Variants in SESTD1 observed in about 807,000 individuals in gnomAD.
The protein encoded by SESTD1 is SEC14 and spectrin domain containing 1, also known as SEC14 domain and spectrin repeat-containing protein 1.
Under a neutral mutation model 101.7 loss-of-function variants are expected in SESTD1, and 43 were observed. That is an observed-to-expected ratio of 0.42 (90% CI 0.33 to 0.55). The LOEUF is 0.55. Among genes scored for constraint, SESTD1 ranks in the 20% least tolerant of loss-of-function variants. The pLI is 0.07. For synonymous variants in SESTD1, 283 were observed against 286.8 expected (o/e 0.99, Z 0.13); for missense variants, 647 against 815.1 (o/e 0.79, Z 2.51).
rs1280309684 is a variant in SESTD1 at position 179,258,008 on chromosome 2, T to C, written c.-26+6491A>G. ...CTTACCAAAGCCCAATGTGGCAAAA[T>C]TGATTTTACAAAGACAAGACACAAG... On this transcript the variant is annotated intron_variant, in intron 1 of 17. Coordinates refer to ENST00000428443, the MANE Select transcript of SESTD1 (RefSeq NM_178123.5). Among the ~76,000 whole-genome samples the C allele has an allele frequency of 2.6e-5, 4 of 152,216 alleles. No individual in the cohort carries two copies. The East Asian group carries it at 5.8e-4, about 22-fold the overall frequency.
chr2:179,135,845 A>G (rs934614865), intron 9 of SESTD1, among the ~76,000 whole-genome samples: 8 of 152,204 alleles, frequency 5.3e-5, no homozygotes, highest in African/African-American at 1.7e-4. Flanking sequence ...CCTAAGTGCT[A>G]TAACTTTCTA....
chr2:179,227,289 CCTCACTTT>C (rs2046901804), intron 1 of SESTD1, among the ~76,000 whole-genome samples: 1 of 152,144 alleles, frequency 6.6e-6, no homozygotes, highest in Non-Finnish European at 1.5e-5. Context: ...TTACCCCCCA[CCTCACTTT>C]CTCACTTTAG....
chr2:179,232,676 C>A (rs1249848921), intron 1 of SESTD1, among the ~76,000 whole-genome samples: 5 of 152,012 alleles, frequency 3.3e-5, no homozygotes, highest in African/African-American at 1.2e-4. Flanking sequence ...GAGTACTATG[C>A]AGCTCTAAAA....
At chr2:179,136,659 A>T (rs1277866460) in intron 9 of SESTD1, among the ~76,000 whole-genome samples, 1 of 152,172 alleles carries the variant, frequency 6.6e-6, no homozygotes. Context: ...GCATATAAAA[A>T]ATTTCACTAA....
chr2:179,238,103 T>A (rs1329424773), intron 1 of SESTD1, among the ~76,000 whole-genome samples: 2 of 152,146 alleles, frequency 1.3e-5, no homozygotes, highest in African/African-American at 4.8e-5. Flanking sequence ...TAAAATCTTA[T>A]TAAGAAAATC....
At chr2:179,121,710 C>T in intron 13 of SESTD1, 60 bp downstream of exon 13, 1 of 1,403,634 alleles carries the variant, frequency 7.1e-7, no homozygotes, top group Non-Finnish European at 9.5e-7. Flanking sequence ...TGTTATATAA[C>T]TTCATTTTAA....
intron 1 of SESTD1, among the ~76,000 whole-genome samples, chr2:179,261,951 A>G (rs1205852798): frequency 6.6e-6 from 1 of 152,230 alleles, no homozygotes; most frequent in Non-Finnish European, 1.5e-5. Flanking sequence ...ATTATGGCCA[A>G]AAAGTAGAAA....
At position 179,109,329 on chromosome 2, in the gene SESTD1, A is replaced by T. The variant is rs1382357364; in HGVS notation, c.*570T>A. ...AAGATGTTTAAAGAAGTCTTTTATTAAGCACAAACAACTTTTAATACATTA... is the reference window on the plus strand; with the variant it reads ...AAGATGTTTAAAGAAGTCTTTTATTTAGCACAAACAACTTTTAATACATTA... On this transcript the variant is annotated 3_prime_UTR_variant, in exon 18 of 18. Coordinates refer to ENST00000428443, the MANE Select transcript of SESTD1 (RefSeq NM_178123.5). 1 of 167,388 alleles carries T rather than the reference A, an allele frequency of 6.0e-6. No homozygotes were observed. The highest frequency in any genetic ancestry group is 1.3e-5 in the Non-Finnish European group (1 of 78,118). The allele number at this position is 167,388 out of a possible 1,614,324, so 10.4% of individuals were successfully genotyped here. A position where few individuals can be genotyped will look rare whatever the true frequency, so the allele number is the denominator to read the frequency against.
At position 179,108,916 on chromosome 2, in the gene SESTD1, C is replaced by T. The variant is rs1041052072; in HGVS notation, c.*983G>A. On this transcript the variant is annotated 3_prime_UTR_variant, in exon 18 of 18. Transcript: ENST00000428443. The stretch of plus-strand genomic sequence containing the variant: ...AGAAACTAAATTTTATTAACAATTG[C>T]TATTTTAGTTCCTGAAAGATTACTC... The T allele has an allele frequency of 2.6e-5, 4 of 151,900 alleles. No homozygotes were observed. The highest frequency in any genetic ancestry group is 9.7e-5 in the African/African-American group (4 of 41,386). The allele number at this position is 151,900 out of a possible 1,614,324, so 9.4% of individuals were successfully genotyped here.
chr2:179,233,604 C>G (rs914579258), intron 1 of SESTD1, among the ~76,000 whole-genome samples: 1 of 152,120 alleles, frequency 6.6e-6, no homozygotes, highest in African/African-American at 2.4e-5. Context: ...GAGGCGCATA[C>G]CACAGTGCCC....
chr2:179,132,469 A>T lies in SESTD1; in HGVS notation c.850-43T>A, dbSNP rs749307498. On this transcript the variant is annotated intron_variant, in intron 9 of 17. Coordinates refer to ENST00000428443, the MANE Select transcript of SESTD1 (RefSeq NM_178123.5). Reference sequence around the variant, plus strand: ...GATAACATTTTTTAAAGAATCAGAAACTTTTCAAACTTTCATTCTAACTTA... The same window carrying T: ...GATAACATTTTTTAAAGAATCAGAATCTTTTCAAACTTTCATTCTAACTTA... 3.3e-6 allele frequency: 5 copies of T among 1,530,788 alleles called. No homozygotes were observed. In the African/African-American group the frequency reaches 7.3e-5, roughly 22 times the overall value. The allele number at this position is 1,530,788 out of a possible 1,614,324, so 94.8% of individuals were successfully genotyped here.
chr2:179,204,208 G>A (rs1429025701), intron 1 of SESTD1, among the ~76,000 whole-genome samples: 1 of 134,800 alleles, frequency 7.4e-6, no homozygotes, highest in Non-Finnish European at 1.6e-5. Flanking sequence ...CAGACCAAGA[G>A]AGACACTAAA....
At chr2:179,233,860 C>A (rs762504073) in intron 1 of SESTD1, among the ~76,000 whole-genome samples, 1 of 151,948 alleles carries the variant, frequency 6.6e-6, no homozygotes, top group Admixed American at 6.6e-5. Context: ...GTATGCATGC[C>A]CTGGTGTGTG....
rs182157708 is a variant in SESTD1 at position 179,208,550 on chromosome 2, G to A, written c.-25-16684C>T. ...TCAGCAGAAACCCTGCAAGCCAGAA[G>A]GGATTGGGGTCCTATCTTTAGCCTC... is the stretch of plus-strand genomic sequence containing the variant. On this transcript the variant is annotated intron_variant, in intron 1 of 17. Transcript: ENST00000428443. 1.1e-3 allele frequency among the ~76,000 whole-genome samples: 142 copies of A among 135,122 alleles called. 39 individuals carry two copies. The highest frequency in any genetic ancestry group is 3.8e-3 in the African/African-American group (131 of 34,342). 88.6% of individuals were successfully genotyped at this position (135,122 alleles called of 152,430 possible). A position where few individuals can be genotyped will look rare whatever the true frequency, so the allele number is the denominator to read the frequency against.
At chr2:179,114,159 A>G (rs1017459690) in intron 16 of SESTD1, among the ~76,000 whole-genome samples, 5 of 152,202 alleles carry the variant, frequency 3.3e-5, no homozygotes, top group Admixed American at 2.6e-4. Flanking sequence ...ACTATTTTGT[A>G]TACTTCCACT....
At chr2:179,239,562 A>G (rs1278410645) in intron 1 of SESTD1, among the ~76,000 whole-genome samples, 1 of 152,194 alleles carries the variant, frequency 6.6e-6, no homozygotes, top group Non-Finnish European at 1.5e-5. Context: ...TAAAAAATAT[A>G]AATGTGAGAG....
In SESTD1 at chr2:179,104,453, T is replaced by A. The variant is rs1044706845; in HGVS notation, c.*5446A>T. 1 of 152,218 alleles carries A rather than the reference T, an allele frequency of 6.6e-6. No individual in the cohort carries two copies. The highest frequency in any genetic ancestry group is 2.4e-5 in the African/African-American group (1 of 41,546). 9.4% of individuals were successfully genotyped at this position (152,218 alleles called of 1,614,324 possible). ...ACTAAAAAAGAATCTGTAACTGTAA[T>A]AGAAAAGAAGTGAGGCTTGGTCATA... On this transcript the variant is annotated 3_prime_UTR_variant, in exon 18 of 18. Transcript: ENST00000428443.
intron 1 of SESTD1, among the ~76,000 whole-genome samples, chr2:179,201,835 A>G (rs1190058868): frequency 7.7e-6 from 1 of 130,068 alleles, no homozygotes; most frequent in African/African-American, 3.1e-5. Flanking sequence ...ATGATGAGTT[A>G]GTGGGTGCAG....
At chr2:179,182,306 T>C (rs2046128080) in intron 3 of SESTD1, among the ~76,000 whole-genome samples, 3 of 152,052 alleles carry the variant, frequency 2.0e-5, no homozygotes, top group South Asian at 2.1e-4. Context: ...ACATGCTTAA[T>C]TGTAGTGGTT....
Sources: allele counts gnomAD v4.1 joint callset (sites outside exome capture counted in the v4.1 genomes callset), GRCh38; gene constraint gnomAD v4.1.1; transcripts MANE v1.5; gene names NCBI Gene and HGNC (gene_info 2026-07-23, HGNC 2026-07-21).